GPALPP1: variants seen among roughly 807,000 people sequenced by gnomAD.
The protein encoded by GPALPP1 is GPALPP motifs containing 1.
A neutral mutation model predicts 38.9 loss-of-function variants in GPALPP1; 30 were observed. The ratio of observed to expected loss-of-function variants is 0.77; its 90% CI spans 0.58 to 1.05. The LOEUF (loss-of-function observed/expected upper bound fraction) is 1.05, where lower values mean the gene tolerates loss of function less well. Ranked by LOEUF, GPALPP1 falls within the 50% of genes least tolerant of loss-of-function variation. The pLI, the probability that GPALPP1 is intolerant of heterozygous loss-of-function variation, is 0.00. For missense variants in GPALPP1, 384 were observed against 408.8 expected, an observed-to-expected ratio of 0.94 and a Z score of 0.52; for synonymous variants, 120 against 139.2, an observed-to-expected ratio of 0.86 and a Z score of 0.97.
chr13:45,019,238 T>C (rs1024417101), intron 6 of GPALPP1, among the ~76,000 whole-genome samples: 2 of 150,974 alleles, frequency 1.3e-5, no homozygotes, highest in Admixed American at 1.3e-4. Context: ...ACCTTTGCCT[T>C]CCAGGTTCAA....
chr13:45,012,965 T>G (rs1366375958), intron 4 of GPALPP1, among the ~76,000 whole-genome samples: 1 of 151,970 alleles, frequency 6.6e-6, no homozygotes, highest in Non-Finnish European at 1.5e-5. Flanking sequence ...TCCAGGGAGG[T>G]AGTGTATCAG....
chr13:45,011,998 A>G (rs1432491514), intron 4 of GPALPP1, among the ~76,000 whole-genome samples: 1 of 152,214 alleles, frequency 6.6e-6, no homozygotes, highest in Non-Finnish European at 1.5e-5. Flanking sequence ...CTCAAAAGGA[A>G]GAAAGGAAAA....
intron 1 of GPALPP1, among the ~76,000 whole-genome samples, chr13:45,000,825 G>A (rs556398857): frequency 6.6e-6 from 1 of 152,270 alleles, no homozygotes; most frequent in South Asian, 2.1e-4. Flanking sequence ...AACAGCAGTT[G>A]GAGATAGGAA....
chr13:45,012,346 G>A (rs948737163), intron 4 of GPALPP1, among the ~76,000 whole-genome samples: 4 of 152,152 alleles, frequency 2.6e-5, no homozygotes, highest in African/African-American at 9.7e-5. Context: ...CTGAAAAAAA[G>A]TGTGTGTCTG....
Position 45,008,796 on chromosome 13 carries a change from C to T in GPALPP1, c.325C>T (p.Pro109Ser). 3 of 1,508,672 alleles carry T rather than the reference C, an allele frequency of 2.0e-6. No homozygotes were observed. Among genetic ancestry groups the T allele is most frequent in the Non-Finnish European group, 2.8e-6 (3 of 1,085,074 alleles). The allele number at this position is 1,508,672 out of a possible 1,614,324, so 93.5% of individuals were successfully genotyped here. The change falls in exon 4 of 8, where the codon CCC becomes TCC. Residue 109 changes from proline (P) to serine (S), a missense_variant and splice_region_variant. By Grantham distance (74) the Pro-to-Ser change is moderately conservative. Transcript: ENST00000379151. ...FKKQDDSPPR[P>S]IIGPALPPGF... ...ATAAAAGTACATTTTATTTTTCAGG[C>T]CCATAATAGGTCCTGCATTGCCACC...
chr13:45,022,211 A>C (rs1163187006), intron 7 of GPALPP1, among the ~76,000 whole-genome samples: 4 of 152,154 alleles, frequency 2.6e-5, no homozygotes, highest in Non-Finnish European at 4.4e-5. Context: ...CATACTTCTT[A>C]TTATGTTTAT....
chr13:45,019,082 AATATATGTATATATATT>A (rs1875173631), intron 6 of GPALPP1, among the ~76,000 whole-genome samples: 5 of 114,486 alleles, frequency 4.4e-5, no homozygotes, highest in Admixed American at 2.0e-4. Context: ...TATACATATA[AATATATGTATATATATT>A]TATATATATT....
chr13:45,022,255 G>A (rs1203261142), intron 7 of GPALPP1, among the ~76,000 whole-genome samples: 1 of 152,028 alleles, frequency 6.6e-6, no homozygotes, highest in African/African-American at 2.4e-5. Flanking sequence ...TGCATCTATG[G>A]TGGGAAAAAA....
chr13:45,009,628 A>G (rs1195674442), intron 4 of GPALPP1, among the ~76,000 whole-genome samples: 6 of 152,166 alleles, frequency 3.9e-5, no homozygotes, highest in African/African-American at 7.2e-5. Flanking sequence ...GTGCCTTCCT[A>G]TGTATGAATT....
intron 1 of GPALPP1, among the ~76,000 whole-genome samples, chr13:45,003,545 ATAG>A (rs1566075033): frequency 6.6e-6 from 1 of 152,166 alleles, no homozygotes. Context: ...GGGAACTATG[ATAG>A]TAGGCTTTTA....
intron 1 of GPALPP1, among the ~76,000 whole-genome samples, chr13:45,002,899 T>C (rs1873797353): frequency 6.6e-6 from 1 of 152,232 alleles, no homozygotes; most frequent in Non-Finnish European, 1.5e-5. Flanking sequence ...AAATGTCTTT[T>C]TCTCAGAGAG....
intron 7 of GPALPP1, among the ~76,000 whole-genome samples, chr13:45,022,202 A>T (rs1420988377): frequency 6.6e-6 from 1 of 152,172 alleles, no homozygotes; most frequent in Non-Finnish European, 1.5e-5. Context: ...AAGCAAGTAC[A>T]TACTTCTTAT....
intron 4 of GPALPP1, among the ~76,000 whole-genome samples, chr13:45,013,870 A>G (rs2094408618): frequency 6.6e-6 from 1 of 151,976 alleles, no homozygotes; most frequent in South Asian, 2.1e-4. Flanking sequence ...AATGTGCACC[A>G]TTTTTTTTAT....
intron 1 of GPALPP1, among the ~76,000 whole-genome samples, chr13:44,995,645 C>T (rs1288950952): frequency 6.6e-6 from 1 of 152,158 alleles, no homozygotes; most frequent in Non-Finnish European, 1.5e-5. Context: ...ATCCCACATC[C>T]CAAGAAGCCC....
intron 1 of GPALPP1, among the ~76,000 whole-genome samples, chr13:44,994,817 G>A (rs1038833608): frequency 2.6e-5 from 4 of 151,722 alleles, no homozygotes; most frequent in Non-Finnish European, 5.9e-5. Flanking sequence ...TATATATATC[G>A]TTAGATAATT....
chr13:45,024,896 G>A (rs1229865943), intron 7 of GPALPP1, among the ~76,000 whole-genome samples: 1 of 152,060 alleles, frequency 6.6e-6, no homozygotes, highest in African/African-American at 2.4e-5. Flanking sequence ...CCTCCAGCCT[G>A]GTGACAGAGC....
intron 3 of GPALPP1, among the ~76,000 whole-genome samples, chr13:45,007,721 T>A (rs937997951): frequency 6.6e-6 from 1 of 152,130 alleles, no homozygotes; most frequent in Non-Finnish European, 1.5e-5. Context: ...TGCCTGTCTG[T>A]GGGGTTCTGA....
intron 1 of GPALPP1, among the ~76,000 whole-genome samples, chr13:45,000,009 G>A (rs1423896736): frequency 2.6e-5 from 4 of 151,846 alleles, no homozygotes; most frequent in Non-Finnish European, 2.9e-5. Flanking sequence ...CTATTTTTCC[G>A]TGATTATTTT....
intron 7 of GPALPP1, among the ~76,000 whole-genome samples, chr13:45,024,887 CT>C (rs1875728909): frequency 6.6e-6 from 1 of 152,036 alleles, no homozygotes; most frequent in Non-Finnish European, 1.5e-5. Context: ...CGCCATTGCC[CT>C]CCAGCCTGGT....
Sources: allele counts gnomAD v4.1 joint callset (sites outside exome capture counted in the v4.1 genomes callset), GRCh38; gene constraint gnomAD v4.1.1; transcripts MANE v1.5; gene names NCBI Gene and HGNC (gene_info 2026-07-23, HGNC 2026-07-21).